Variants in PTH2R observed in about 807,000 individuals in gnomAD.
PTH2R encodes the protein PTH2 receptor.
PTH2R carries 59 observed loss-of-function variants against 60.3 expected under a neutral mutation model. The ratio of observed to expected loss-of-function variants is 0.98; its 90% CI spans 0.79 to 1.22. PTH2R has a LOEUF of 1.22. PTH2R is among the 50% of genes most tolerant of loss of function. The probability of loss-of-function intolerance (pLI) is 0.00; values close to 1 mark genes in which losing one functional copy is unlikely to be tolerated. For missense variants in PTH2R, 749 were observed against 682.6 expected, an observed-to-expected ratio of 1.10 and a Z score of -1.08; for synonymous variants, 256 against 243.8, an observed-to-expected ratio of 1.05 and a Z score of -0.47.
At chr2:208,380,079 G>A (rs1208848731) in intron 1 of PTH2R, among the ~76,000 whole-genome samples, 1 of 152,092 alleles carries the variant, frequency 6.6e-6, no homozygotes, top group East Asian at 1.9e-4. Flanking sequence ...ACAGCCATGA[G>A]GTCAATGAAT....
chr2:208,426,052 A>G (rs562782329), intron 1 of PTH2R, among the ~76,000 whole-genome samples: 3 of 152,370 alleles, frequency 2.0e-5, no homozygotes, highest in South Asian at 4.1e-4. Context: ...AATACCTCTT[A>G]AATTAAGCTA....
intron 10 of PTH2R, among the ~76,000 whole-genome samples, chr2:208,482,337 G>T (rs1703173331): frequency 6.6e-6 from 1 of 152,142 alleles, no homozygotes; most frequent in African/African-American, 2.4e-5. Context: ...GGTCCAGGGG[G>T]TCACCGCCTT....
chr2:208,370,867 G>T (rs929089583), intron 1 of PTH2R, among the ~76,000 whole-genome samples: 1 of 152,080 alleles, frequency 6.6e-6, no homozygotes, highest in African/African-American at 2.4e-5. Flanking sequence ...TCTGCAGGGT[G>T]TATAGGCATG....
At chr2:208,469,589 T>G (rs1221811443) in intron 9 of PTH2R, among the ~76,000 whole-genome samples, 1 of 152,174 alleles carries the variant, frequency 6.6e-6, no homozygotes, top group Non-Finnish European at 1.5e-5. Flanking sequence ...AATCACTTAA[T>G]TTTGGAATTG....
chr2:208,444,862 G>C lies in PTH2R; in HGVS notation c.828G>C (p.Leu276=), dbSNP rs372413959. Residue 276 remains leucine (L), a synonymous_variant, in exon 7 of 13, where the codon CTG becomes CTC. Transcript: ENST00000272847. ...FVAFFSDTKY[L]WGFILIGWGF... is the part of the protein sequence containing the mutation. ...CTTTCTTTTCGGACACCAAATACCT[G>C]TGGGGCTTCATCTTGATAGGCTGGG... 1.2e-6 allele frequency: 2 copies of C among 1,613,286 alleles called. No individual in the cohort carries two copies. Among genetic ancestry groups the C allele is most frequent in the Non-Finnish European group, 1.7e-6 (2 of 1,179,662 alleles).
intron 1 of PTH2R, among the ~76,000 whole-genome samples, chr2:208,387,817 T>C (rs544947253): frequency 6.6e-6 from 1 of 152,308 alleles, no homozygotes; most frequent in Non-Finnish European, 1.5e-5. Context: ...AACCCCTTTT[T>C]ATACAAAGAT....
intron 1 of PTH2R, among the ~76,000 whole-genome samples, chr2:208,391,128 C>A (rs193236142): frequency 1.3e-3 from 196 of 152,200 alleles, no homozygotes; most frequent in South Asian, 2.3e-3. Flanking sequence ...ACCAAATCTC[C>A]TGGGTTAAAT....
At chr2:208,431,732 G>A (rs1211894001) in intron 2 of PTH2R, among the ~76,000 whole-genome samples, 1 of 152,166 alleles carries the variant, frequency 6.6e-6, no homozygotes, top group Non-Finnish European at 1.5e-5. Flanking sequence ...ACTTTCTAGA[G>A]GGGTTTCCTG....
chr2:208,398,694 C>T (rs1212414972), intron 1 of PTH2R, among the ~76,000 whole-genome samples: 3 of 152,138 alleles, frequency 2.0e-5, no homozygotes. Flanking sequence ...TCTCTCTTTC[C>T]ATAAGTTATT....
rs376616394 is a variant in PTH2R, at chr2:208,443,523, G to C, written c.685G>C (p.Asp229His). 16 of 1,605,728 alleles carry C rather than the reference G, an allele frequency of 1.0e-5. No individual in the cohort carries two copies. In the African/African-American group the frequency reaches 2.1e-4, roughly 22 times the overall value. Residue 229 changes from aspartate to histidine, a missense_variant, in exon 6 of 13, where the codon GAC (aspartate) becomes CAC (histidine). Transcript: ENST00000272847. Reference sequence around the variant, plus strand: ...AAATTCCATTGAGGCAACTTCTGTGGACAAATCACAATATGTAAGTGTTTT... The same window carrying C: ...AAATTCCATTGAGGCAACTTCTGTGCACAAATCACAATATGTAAGTGTTTT... ...PQNSIEATSV[D>H]KSQYIGCKIA...
chr2:208,405,547 A>G (rs527369200), upstream of PTH2R, among the ~76,000 whole-genome samples: 107 of 152,334 alleles, frequency 7.0e-4, no homozygotes, highest in African/African-American at 2.5e-3. Context: ...TTGCCCATTC[A>G]CAGACTATGA....
chr2:208,481,044 C>T (rs949561216), intron 9 of PTH2R, 26 bp from the exon 10 acceptor site: 5 of 1,446,326 alleles, frequency 3.5e-6, no homozygotes, highest in Admixed American at 1.8e-5. Flanking sequence ...AACAATAATT[C>T]TTTGTAATCT....
chr2:208,366,846 CT>C (rs1355486836), intron 1 of PTH2R, among the ~76,000 whole-genome samples: 1 of 152,202 alleles, frequency 6.6e-6, no homozygotes, highest in Non-Finnish European at 1.5e-5. Flanking sequence ...GTAGCTTACA[CT>C]TGTGCCATTT....
At chr2:208,447,227 C>T (rs954455391) in intron 7 of PTH2R, among the ~76,000 whole-genome samples, 2 of 152,194 alleles carry the variant, frequency 1.3e-5, no homozygotes, top group East Asian at 3.9e-4. Flanking sequence ...CTGCCTCGGC[C>T]TCTCAAAGTG....
intron 1 of PTH2R, among the ~76,000 whole-genome samples, chr2:208,421,094 G>C (rs1370376): frequency 0.17 from 25,510 of 152,172 alleles, 2,746 homozygotes; most frequent in East Asian, 0.47. Context: ...AAATATAAGA[G>C]AAAAGGATGA....
chr2:208,473,936 G>C (rs903738084), intron 9 of PTH2R, among the ~76,000 whole-genome samples: 4 of 151,990 alleles, frequency 2.6e-5, no homozygotes, highest in African/African-American at 7.3e-5. Context: ...TTGGAGCTGG[G>C]GGTATCTTAG....
At chr2:208,485,467 G>C (rs1559234189) in intron 10 of PTH2R, among the ~76,000 whole-genome samples, 4 of 152,098 alleles carry the variant, frequency 2.6e-5, no homozygotes, top group Admixed American at 2.0e-4. Context: ...GTGGCCATAT[G>C]GACGCTGAAA....
At chr2:208,447,543 G>C (rs183638503) in intron 7 of PTH2R, among the ~76,000 whole-genome samples, 37 of 150,266 alleles carry the variant, frequency 2.5e-4, no homozygotes, top group African/African-American at 8.3e-4. Context: ...AGCTGAGATC[G>C]CGCCACTGCA....
At chr2:208,445,646 T>C (rs1029675844) in intron 7 of PTH2R, among the ~76,000 whole-genome samples, 8 of 152,156 alleles carry the variant, frequency 5.3e-5, no homozygotes, top group Admixed American at 5.2e-4. Context: ...GTGCTCAGCA[T>C]AGGAAAAAAA....
Sources: allele counts gnomAD v4.1 joint callset (sites outside exome capture counted in the v4.1 genomes callset), GRCh38; gene constraint gnomAD v4.1.1; transcripts MANE v1.5; gene names NCBI Gene and HGNC (gene_info 2026-07-23, HGNC 2026-07-21).